The following SLC38A11 variants were observed in gnomAD, a reference collection of about 807,000 sequenced individuals.
SLC38A11 encodes putative sodium-coupled neutral amino acid transporter 11.
Under a neutral mutation model 49.4 loss-of-function variants are expected in SLC38A11, and 51 were observed. That is an observed-to-expected ratio of 1.03 (90% CI 0.83 to 1.30). The LOEUF (loss-of-function observed/expected upper bound fraction) is 1.30. Ranked by LOEUF, SLC38A11 falls within the 50% of genes most tolerant of loss-of-function variation. The probability of loss-of-function intolerance (pLI) is 0.00; values close to 1 mark genes in which losing one functional copy is unlikely to be tolerated. For missense variants in SLC38A11, 574 were observed against 556.2 expected (o/e 1.03, Z -0.32); for synonymous variants, 203 against 192.9 (o/e 1.05, Z -0.43).
At position 164,937,382 on chromosome 2, in the gene SLC38A11, T is replaced by TGTAATG. The variant is rs773914860; in HGVS notation, c.584_585insCATTAC (p.Val195_Met196insIleThr). Reference sequence around the variant, plus strand: ...GACCCAGTGAAATTGCCCTTGCCATTACAATTCCAAGAATCAGAGTTGTTA... The same window carrying TGTAATG: ...GACCCAGTGAAATTGCCCTTGCCATTGTAATGACAATTCCAAGAATCAGAGTTGTTA... On this transcript the variant is annotated inframe_insertion, in exon 7 of 12. Transcript: ENST00000685975. 6 of 1,612,078 alleles carry TGTAATG rather than the reference T, an allele frequency of 3.7e-6. No homozygotes were observed. The South Asian group carries it at 6.6e-5, about 18-fold the overall frequency.
chr2:164,901,027 C>T (rs1399629146), intron 11 of SLC38A11, among the ~76,000 whole-genome samples: 1 of 151,990 alleles, frequency 6.6e-6, no homozygotes, highest in African/African-American at 2.4e-5. Flanking sequence ...ATTTGAGAAT[C>T]CATTTTTCCC....
Position 164,908,567 on chromosome 2 carries a change from C to A in SLC38A11, c.1095+73G>T. On this transcript the variant is annotated intron_variant, in intron 11 of 11. Coordinates refer to ENST00000685975, the MANE Select transcript of SLC38A11 (RefSeq NM_001351537.2). The stretch of plus-strand genomic sequence containing the variant: ...GACACTTTTGTTAAGGAAAATACAT[C>A]TTATGTTAAATGTAATCATTATCTT... The A allele has an allele frequency of 4.5e-6, 6 of 1,332,752 alleles. No homozygotes were observed. The South Asian group carries it at 9.4e-5, about 21-fold the overall frequency. The allele number at this position is 1,332,752 out of a possible 1,614,324, so 82.6% of individuals were successfully genotyped here. A position where few individuals can be genotyped will look rare whatever the true frequency, so the allele number is the denominator to read the frequency against.
Position 164,895,497 on chromosome 2 carries a change from A to C in SLC38A11, c.*2940T>G, listed in dbSNP as rs16849912. Reference sequence around the variant, plus strand: ...TAAGCAAGGCTATAGCAGATAAACCAGGAGGAGACCTGTTCTCTTCAATAA... The same window carrying C: ...TAAGCAAGGCTATAGCAGATAAACCCGGAGGAGACCTGTTCTCTTCAATAA... On this transcript the variant is annotated 3_prime_UTR_variant, in exon 12 of 12. Coordinates refer to ENST00000685975, the MANE Select transcript of SLC38A11 (RefSeq NM_001351537.2). Among the ~76,000 whole-genome samples, 41,313 of 152,098 alleles carry C rather than the reference A, an allele frequency of 0.27. 6,525 individuals are homozygous for C. Among genetic ancestry groups the C allele is most frequent in the South Asian group, 0.49 (2,376 of 4,812 alleles).
chr2:164,898,539 C>T lies in SLC38A11; in HGVS notation c.1287G>A (p.Met429Ile), dbSNP rs1164154477. The T allele has an allele frequency of 2.5e-6, 4 of 1,613,580 alleles. No individual in the cohort carries two copies. In the South Asian group the frequency reaches 3.3e-5, roughly 13 times the overall value. ...AGAAATTGTCAGGAAAGCAGTAGAA[C>T]ATTTCCTGCCCATGGGTGCAGTCTT... is the stretch of plus-strand genomic sequence containing the variant. ...NTQDCTHGQE[M>I]FYCFPDNFSL... The change falls in exon 12 of 12, where the codon ATG (methionine) becomes ATA (isoleucine). Residue 429 changes from methionine (M) to isoleucine (I), a missense_variant. By Grantham distance (10) the Met-to-Ile change is conservative (BLOSUM62 1). Coordinates refer to ENST00000685975, the MANE Select transcript of SLC38A11 (RefSeq NM_001351537.2).
At chr2:164,932,933 T>A (rs1687107528) in intron 7 of SLC38A11, among the ~76,000 whole-genome samples, 1 of 152,120 alleles carries the variant, frequency 6.6e-6, no homozygotes, top group African/African-American at 2.4e-5. Context: ...TTTCCTTAAA[T>A]ATGTAGCCTT....
At chr2:164,910,859 A>C (rs1391150159) in intron 10 of SLC38A11, among the ~76,000 whole-genome samples, 2 of 152,116 alleles carry the variant, frequency 1.3e-5, no homozygotes, top group African/African-American at 4.8e-5. Context: ...AGCTGACAGC[A>C]TAAGGGATTC....
At chr2:164,945,075 A>G (rs1286694636) in intron 4 of SLC38A11, among the ~76,000 whole-genome samples, 1 of 152,150 alleles carries the variant, frequency 6.6e-6, no homozygotes, top group Non-Finnish European at 1.5e-5. Context: ...GTGGAGACAT[A>G]TGGAACTAGT....
intron 7 of SLC38A11, among the ~76,000 whole-genome samples, chr2:164,936,409 A>C (rs1678126131): frequency 6.6e-6 from 1 of 152,166 alleles, no homozygotes; most frequent in Non-Finnish European, 1.5e-5. Context: ...TGGCCACTGC[A>C]TTAACAATTA....
rs547917477 is a variant in SLC38A11, at chr2:164,937,938, T to C, written c.538-509A>G. 1.3e-4 allele frequency among the ~76,000 whole-genome samples: 20 copies of C among 152,078 alleles called. No homozygotes were observed. The South Asian group carries it at 4.2e-3, about 32-fold the overall frequency. On this transcript the variant is annotated intron_variant, in intron 6 of 11. Transcript: ENST00000685975. Reference sequence around the variant, plus strand: ...TTCCTCTCTGCTCTCCAGCTCTACTTTTCCTACCTGGTTTTGCCCTTTGGT... The same window carrying C: ...TTCCTCTCTGCTCTCCAGCTCTACTCTTCCTACCTGGTTTTGCCCTTTGGT...
rs556800117 is a variant in SLC38A11 at position 164,898,380 on chromosome 2, G to A, written c.*57C>T. On this transcript the variant is annotated 3_prime_UTR_variant, in exon 12 of 12. Coordinates refer to ENST00000685975, the MANE Select transcript of SLC38A11 (RefSeq NM_001351537.2). Reference sequence around the variant, plus strand: ...AACATAAATACAGACTAAAGCAAGCGTAAATGTTATGTGTTTTAAAGTCTA... The same window carrying A: ...AACATAAATACAGACTAAAGCAAGCATAAATGTTATGTGTTTTAAAGTCTA... The A allele has an allele frequency of 1.2e-4, 147 of 1,269,898 alleles. No individual in the cohort carries two copies. The South Asian group carries it at 1.5e-3, about 13-fold the overall frequency. The allele number at this position is 1,269,898 out of a possible 1,614,324, so 78.7% of individuals were successfully genotyped here.
At chr2:164,936,479 C>T (rs999921904) in intron 7 of SLC38A11, among the ~76,000 whole-genome samples, 2 of 152,134 alleles carry the variant, frequency 1.3e-5, no homozygotes, top group Non-Finnish European at 2.9e-5. Context: ...ATTAAAAACC[C>T]AGTATTCCTT....
intron 11 of SLC38A11, among the ~76,000 whole-genome samples, chr2:164,905,501 G>A (rs1574737909): frequency 1.3e-5 from 2 of 152,086 alleles, no homozygotes; most frequent in African/African-American, 4.8e-5. Flanking sequence ...GATCCAGCGT[G>A]TATTAGTTAC....
chr2:164,947,304 G>T (rs57586634), intron 3 of SLC38A11, among the ~76,000 whole-genome samples: 2,585 of 151,508 alleles, frequency 0.017, 77 homozygotes, highest in African/African-American at 0.059. Context: ...GCTAATTTTT[G>T]TATTTTTAGC....
At chr2:164,908,534 T>C (rs931659265) in intron 11 of SLC38A11, 106 bp downstream of exon 11, 3 of 1,067,798 alleles carry the variant, frequency 2.8e-6, no homozygotes, top group Non-Finnish European at 3.9e-6. Context: ...TGATTCCACT[T>C]CAAAAGTGAC....
At chr2:164,898,914 C>G (rs1465521675) in intron 11 of SLC38A11, among the ~76,000 whole-genome samples, 184 bp from the exon 12 acceptor site, 1 of 152,116 alleles carries the variant, frequency 6.6e-6, no homozygotes, top group Non-Finnish European at 1.5e-5. Flanking sequence ...ATTACCTTTT[C>G]CACTGGCATA....
chr2:164,925,987 A>G (rs887781135), intron 7 of SLC38A11, among the ~76,000 whole-genome samples: 1 of 152,138 alleles, frequency 6.6e-6, no homozygotes, highest in Non-Finnish European at 1.5e-5. Context: ...GCCTTCATTC[A>G]ATCAGTCACT....
intron 10 of SLC38A11, among the ~76,000 whole-genome samples, chr2:164,910,167 T>C (rs1229299347): frequency 6.6e-6 from 1 of 152,116 alleles, no homozygotes; most frequent in African/African-American, 2.4e-5. Context: ...ACCATTCTTC[T>C]GCTGAGTATT....
At chr2:164,913,571 G>A (rs1049652758) in intron 9 of SLC38A11, among the ~76,000 whole-genome samples, 3 of 152,026 alleles carry the variant, frequency 2.0e-5, no homozygotes, top group African/African-American at 4.8e-5. Context: ...GGGGGAAAAC[G>A]GCATTAAAAA....
At chr2:164,942,011 T>C (rs1687801250) in intron 5 of SLC38A11, among the ~76,000 whole-genome samples, 1 of 152,144 alleles carries the variant, frequency 6.6e-6, no homozygotes, top group Non-Finnish European at 1.5e-5. Context: ...CACCCGATTG[T>C]CTCAAGAAGA....
Sources: allele counts gnomAD v4.1 joint callset (sites outside exome capture counted in the v4.1 genomes callset), GRCh38; gene constraint gnomAD v4.1.1; transcripts MANE v1.5; gene names NCBI Gene and HGNC (gene_info 2026-07-23, HGNC 2026-07-21).